ADAMTS17: variants seen among roughly 807,000 people sequenced by gnomAD.
The protein encoded by ADAMTS17 is A disintegrin and metalloproteinase with thrombospondin motifs 17.
ADAMTS17 carries 113 observed loss-of-function variants against 141.5 expected under a neutral mutation model. The observed-to-expected ratio is 0.80, with a 90% confidence interval of 0.69 to 0.93. The LOEUF is 0.93. ADAMTS17 is among the 40% of genes least tolerant of loss of function. The pLI is 0.00. For missense variants in ADAMTS17, 1,659 were observed against 1,517.9 expected (o/e 1.09, Z -1.54); for synonymous variants, 768 against 630.6 (o/e 1.22, Z -3.27).
chr15:100,265,242 G>A (rs1384117000), intron 4 of ADAMTS17, among the ~76,000 whole-genome samples: 1 of 152,186 alleles, frequency 6.6e-6, no homozygotes. Flanking sequence ...GGCGAGCCAG[G>A]TGACAATCCG....
At chr15:100,265,102 G>A (rs886350450) in intron 4 of ADAMTS17, among the ~76,000 whole-genome samples, 1 of 152,154 alleles carries the variant, frequency 6.6e-6, no homozygotes, top group Admixed American at 6.5e-5. Flanking sequence ...GTCCAAGAGA[G>A]CAGGTACCAA....
At chr15:100,175,060 C>T (rs370920110) in intron 8 of ADAMTS17, among the ~76,000 whole-genome samples, 3 of 152,114 alleles carry the variant, frequency 2.0e-5, no homozygotes, top group Admixed American at 6.5e-5. Context: ...CAGTCCTGCC[C>T]GCCAACTCAC....
At chr15:100,142,289 G>A (rs1251039175) in intron 10 of ADAMTS17, among the ~76,000 whole-genome samples, 1 of 152,192 alleles carries the variant, frequency 6.6e-6, no homozygotes, top group East Asian at 1.9e-4. Flanking sequence ...CAGGACGTGA[G>A]AAAGGAGAAA....
intron 4 of ADAMTS17, among the ~76,000 whole-genome samples, chr15:100,271,622 A>G (rs1166483584): frequency 1.3e-5 from 2 of 150,762 alleles, no homozygotes; most frequent in African/African-American, 4.9e-5. Flanking sequence ...GAAGCTTTCT[A>G]TATATTCTGG....
intron 18 of ADAMTS17, among the ~76,000 whole-genome samples, chr15:100,009,483 C>T (rs1324539145): frequency 6.6e-6 from 1 of 152,204 alleles, no homozygotes; most frequent in East Asian, 1.9e-4. Context: ...CCACTGACTC[C>T]CCAGCTGTGC....
chr15:100,310,369 T>TTTATC (rs1404517985), intron 3 of ADAMTS17, among the ~76,000 whole-genome samples: 2 of 152,142 alleles, frequency 1.3e-5, no homozygotes, highest in Non-Finnish European at 2.9e-5. Flanking sequence ...GTGGAAACAG[T>TTTATC]TTATCTTCTA....
chr15:100,284,247 ACT>A (rs1168424394), intron 3 of ADAMTS17, among the ~76,000 whole-genome samples: 1 of 152,184 alleles, frequency 6.6e-6, no homozygotes, highest in Non-Finnish European at 1.5e-5. Flanking sequence ...AGAGTGACAC[ACT>A]CTGAGTTAAC....
chr15:100,333,623 T>C lies in ADAMTS17; in HGVS notation c.451-2569A>G, dbSNP rs75587160. On this transcript the variant is annotated intron_variant, in intron 2 of 21. Transcript: ENST00000268070. ...TGGATTTGGAACCTGGGACTTCCTC[T>C]GTGGAGCTCTGCCCACTGCCCTTGC... Among the ~76,000 whole-genome samples, 121 of 152,346 alleles carry C rather than the reference T, an allele frequency of 7.9e-4. 1 individual carries two copies. Among genetic ancestry groups the C allele is most frequent in the African/African-American group, 2.7e-3 (112 of 41,582 alleles).
intron 7 of ADAMTS17, among the ~76,000 whole-genome samples, chr15:100,210,269 T>A (rs1348771080): frequency 7.3e-6 from 1 of 137,482 alleles, no homozygotes; most frequent in Non-Finnish European, 1.5e-5. Flanking sequence ...AGAAGTGAGC[T>A]GGAACAGGGA....
chr15:100,179,990 G>A (rs749112356), intron 8 of ADAMTS17, among the ~76,000 whole-genome samples: 3 of 152,124 alleles, frequency 2.0e-5, no homozygotes, highest in Non-Finnish European at 4.4e-5. Context: ...TCTTCACTTT[G>A]CTGGTTGTTT....
rs143868743 is a variant in ADAMTS17, at chr15:100,078,118, A to C, written c.2137+18238T>G. ...AACAAATATCTAAATAAATGGAAAG[A>C]TATTTTATATTCTTGGATCAGATGA... On this transcript the variant is annotated intron_variant, in intron 15 of 21. Transcript: ENST00000268070. Among the ~76,000 whole-genome samples the C allele has an allele frequency of 5.9e-5, 9 of 152,348 alleles. 1 individual carries two copies. Among genetic ancestry groups the C allele is most frequent in the African/African-American group, 2.2e-4 (9 of 41,584 alleles).
In ADAMTS17 at chr15:100,152,673, C is replaced by A. The variant is rs367991535; in HGVS notation, c.1412G>T (p.Ser471Ile). 78 of 1,614,076 alleles carry A rather than the reference C, an allele frequency of 4.8e-5. No homozygotes were observed. In the Admixed American group the frequency reaches 1.3e-3, roughly 27 times the overall value. The change falls in exon 10 of 22, where the codon AGT becomes ATT. Residue 471 changes from serine (S) to isoleucine (I), a missense_variant. Coordinates refer to ENST00000268070, the MANE Select transcript of ADAMTS17 (RefSeq NM_139057.4). ...LPHKLPGMHY[S>I]ANEQCQILFG... is the part of the protein sequence containing the mutation. ...CAGGATCTGGCACTGCTCGTTGGCA[C>A]TGTAGTGCATGCCCGGCAGCTTGTG...
At chr15:100,258,502 G>A (rs2043404161) in intron 6 of ADAMTS17, among the ~76,000 whole-genome samples, 1 of 152,220 alleles carries the variant, frequency 6.6e-6, no homozygotes. Context: ...GGCTGGGGAG[G>A]CCTCACAATC....
At chr15:100,020,674 T>C (rs2061390329) in intron 18 of ADAMTS17, among the ~76,000 whole-genome samples, 1 of 152,186 alleles carries the variant, frequency 6.6e-6, no homozygotes, top group Non-Finnish European at 1.5e-5. Flanking sequence ...TAGTTATGGC[T>C]TATAAAGTCC....
At chr15:99,996,441 A>T (rs2060803956) in intron 19 of ADAMTS17, among the ~76,000 whole-genome samples, 1 of 152,232 alleles carries the variant, frequency 6.6e-6, no homozygotes, top group Non-Finnish European at 1.5e-5. Flanking sequence ...AAACGTAAGC[A>T]TAGACAAAGA....
chr15:100,253,314 C>T (rs539581172), intron 7 of ADAMTS17, among the ~76,000 whole-genome samples: 24 of 136,436 alleles, frequency 1.8e-4, no homozygotes, highest in South Asian at 7.8e-4. Context: ...TAACTGAGGA[C>T]GGGAGAGAAA....
At chr15:100,206,329 T>C (rs569949071) in intron 7 of ADAMTS17, among the ~76,000 whole-genome samples, 35 of 152,314 alleles carry the variant, frequency 2.3e-4, no homozygotes, top group African/African-American at 7.7e-4. Context: ...TGTGTGCACT[T>C]GAGTGTACGT....
chr15:100,095,875 C>T (rs141574367), intron 15 of ADAMTS17, among the ~76,000 whole-genome samples: 2 of 152,304 alleles, frequency 1.3e-5, no homozygotes, highest in East Asian at 1.9e-4. Context: ...TCAGGTACTC[C>T]GGAGTCACAG....
rs574421773 is a variant in ADAMTS17, at chr15:100,071,667, A to G, written c.2138-17613T>C. The stretch of plus-strand genomic sequence containing the variant: ...AACCAAAGACAAAAACCACATGATT[A>G]TCTCAATAGATGCAGAAAAGGCCTT... On this transcript the variant is annotated intron_variant, in intron 15 of 21. Coordinates refer to ENST00000268070, the MANE Select transcript of ADAMTS17 (RefSeq NM_139057.4). Among the ~76,000 whole-genome samples, 6 of 150,670 alleles carry G rather than the reference A, an allele frequency of 4.0e-5. No individual in the cohort carries two copies. In the South Asian group the frequency reaches 1.3e-3, roughly 32 times the overall value.
Sources: gnomAD v4.1 joint callset for allele counts (sites outside exome capture counted in the v4.1 genomes callset) on GRCh38, gnomAD v4.1.1 for gene constraint, MANE v1.5 for transcripts, NCBI Gene and HGNC (gene_info 2026-07-23, HGNC 2026-07-21) for gene names.